PLXNA4: variants seen among roughly 807,000 people sequenced by gnomAD.
The protein encoded by PLXNA4 is plexin A4, also known as plexin-A4.
In PLXNA4, 44 loss-of-function variants were observed where a neutral mutation model predicts 191.8. The observed-to-expected ratio is 0.23, with a 90% CI of 0.18 to 0.29. PLXNA4 has a LOEUF of 0.29. Among genes scored for constraint, PLXNA4 ranks in the 10% least tolerant of loss-of-function variants. The pLI, the probability that PLXNA4 is intolerant of heterozygous loss-of-function variation, is 1.00. For missense variants in PLXNA4, 1,800 were observed against 2,488.8 expected, an observed-to-expected ratio of 0.72 and a Z score of 5.89; for synonymous variants, 1,082 against 1,009.5, an observed-to-expected ratio of 1.07 and a Z score of -1.36.
chr7:132,502,376 C>G (rs1056143971), intron 2 of PLXNA4, among the ~76,000 whole-genome samples: 11 of 152,198 alleles, frequency 7.2e-5, no homozygotes, highest in African/African-American at 2.7e-4. Context: ...AGAAACAGCT[C>G]CATCTCCTGT....
chr7:132,174,842 C>G lies in PLXNA4; in HGVS notation c.3953G>C (p.Arg1318Thr). 6.2e-7 allele frequency: 1 copy of G among 1,614,202 alleles called. No homozygotes were observed. Among genetic ancestry groups the G allele is most frequent in the Non-Finnish European group, 8.5e-7 (1 of 1,180,040 alleles). ...DGAGIPFLDY[R>T]TYTMRVLFPG... Reference sequence around the variant, plus strand: ...GAACAGCACCCGCATGGTGTAAGTTCTATAGTCCAGGAACGGAATCCCGGC... The same window carrying G: ...GAACAGCACCCGCATGGTGTAAGTTGTATAGTCCAGGAACGGAATCCCGGC... Residue 1318 changes from arginine (R) to threonine (T), a missense_variant, in exon 21 of 32, where the codon AGA becomes ACA. This residue lies in a region of PLXNA4 where 1,397 missense variants were observed against 1,880.4 expected (regional missense o/e 0.74). Coordinates refer to ENST00000321063, the MANE Select transcript of PLXNA4 (RefSeq NM_020911.2).
At chr7:132,492,008 G>A (rs1797828776) in intron 2 of PLXNA4, among the ~76,000 whole-genome samples, 1 of 152,162 alleles carries the variant, frequency 6.6e-6, no homozygotes, top group South Asian at 2.1e-4. Context: ...GCCCTTGAAT[G>A]TTCCTGCTTC....
At chr7:132,166,893 C>A (rs1796139859) in intron 22 of PLXNA4, among the ~76,000 whole-genome samples, 1 of 152,156 alleles carries the variant, frequency 6.6e-6, no homozygotes, top group Non-Finnish European at 1.5e-5. Flanking sequence ...TTATATGCAG[C>A]AGACTTTTGC....
chr7:132,176,894 G>A (rs1796486283), intron 20 of PLXNA4, among the ~76,000 whole-genome samples: 1 of 152,064 alleles, frequency 6.6e-6, no homozygotes, highest in Admixed American at 6.5e-5. Context: ...GTCTATGTGT[G>A]CACGCATGTG....
chr7:132,633,281 C>CAT (rs1372985836), intron 2 of PLXNA4, among the ~76,000 whole-genome samples: 3 of 133,286 alleles, frequency 2.3e-5, no homozygotes, highest in Admixed American at 2.2e-4. Context: ...TTGAGGTTCT[C>CAT]ATTTTTTTTT....
rs150060759 is a variant in PLXNA4, at chr7:132,407,639, C to T, written c.1371+81653G>A. The stretch of plus-strand genomic sequence containing the variant: ...TATTCCTGGGACTACGTCAATACAT[C>T]TCTCCTGGTGTGGAGGGTGGGCATC... On this transcript the variant is annotated intron_variant, in intron 3 of 31. Transcript: ENST00000321063. Among the ~76,000 whole-genome samples, 103 of 152,344 alleles carry T rather than the reference C, an allele frequency of 6.8e-4. No homozygotes were observed. In the East Asian group the frequency reaches 0.016, roughly 23 times the overall value.
chr7:132,247,495 G>A (rs1414477245), intron 4 of PLXNA4, among the ~76,000 whole-genome samples: 1 of 152,208 alleles, frequency 6.6e-6, no homozygotes, highest in African/African-American at 2.4e-5. Flanking sequence ...TGCACTTGGT[G>A]CTGTACCTCA....
chr7:132,330,137 G>C lies in PLXNA4; in HGVS notation c.1372-31915C>G, dbSNP rs552855738. Among the ~76,000 whole-genome samples, 3 of 152,284 alleles carry C rather than the reference G, an allele frequency of 2.0e-5. No homozygotes were observed. In the South Asian group the frequency reaches 6.2e-4, roughly 32 times the overall value. ...GCATTGTGAAGACGGAAGAGAGAGG[G>C]AACAGACTAGTATAAGGCACAGCCA... On this transcript the variant is annotated intron_variant, in intron 3 of 31. Coordinates refer to ENST00000321063, the MANE Select transcript of PLXNA4 (RefSeq NM_020911.2).
At chr7:132,603,393 GC>G (rs1323408838) in intron 2 of PLXNA4, among the ~76,000 whole-genome samples, 3 of 152,112 alleles carry the variant, frequency 2.0e-5, no homozygotes. Context: ...AATCACTTCT[GC>G]CCAGCTACTC....
intron 3 of PLXNA4, among the ~76,000 whole-genome samples, chr7:132,304,003 A>G (rs1801415271): frequency 6.6e-6 from 1 of 152,208 alleles, no homozygotes; most frequent in Admixed American, 6.5e-5. Context: ...GCCAGTGATG[A>G]GAGCTTGACT....
intron 4 of PLXNA4, among the ~76,000 whole-genome samples, chr7:132,275,008 C>T (rs990756146): frequency 2.0e-5 from 3 of 152,066 alleles, no homozygotes. Flanking sequence ...GGTTTCTACA[C>T]TATAAAGTTA....
intron 1 of PLXNA4, among the ~76,000 whole-genome samples, chr7:132,573,871 G>T (rs1408926258): frequency 6.6e-6 from 1 of 152,176 alleles, no homozygotes; most frequent in Non-Finnish European, 1.5e-5. Context: ...CTGAAAAGAA[G>T]CATTCATGGC....
chr7:132,361,188 G>C (rs937530099), intron 3 of PLXNA4, among the ~76,000 whole-genome samples: 2 of 152,136 alleles, frequency 1.3e-5, no homozygotes, highest in African/African-American at 4.8e-5. Flanking sequence ...GTAGGAGAGA[G>C]AGAAGTGTCG....
intron 1 of PLXNA4, among the ~76,000 whole-genome samples, chr7:132,544,760 T>C (rs370175496): frequency 2.0e-4 from 31 of 152,190 alleles, no homozygotes; most frequent in African/African-American, 7.5e-4. Flanking sequence ...TATTTTTTCC[T>C]CCCTTCCATG....
At chr7:132,344,864 C>T (rs1803181697) in intron 3 of PLXNA4, among the ~76,000 whole-genome samples, 1 of 152,130 alleles carries the variant, frequency 6.6e-6, no homozygotes, top group East Asian at 1.9e-4. Flanking sequence ...TGTGTCTAAA[C>T]CCAAAGCAAC....
chr7:132,254,946 G>A (rs1799382996), intron 4 of PLXNA4, among the ~76,000 whole-genome samples: 1 of 152,156 alleles, frequency 6.6e-6, no homozygotes, highest in African/African-American at 2.4e-5. Context: ...GGGTGGAGAT[G>A]GGGTAGGAGG....
At chr7:132,591,716 C>T (rs1199982017) in intron 2 of PLXNA4, among the ~76,000 whole-genome samples, 2 of 152,166 alleles carry the variant, frequency 1.3e-5, no homozygotes, top group Non-Finnish European at 2.9e-5. Flanking sequence ...GCGTTTGGGT[C>T]CTCAGCAAAG....
In PLXNA4 at chr7:132,197,289, C is replaced by T. The variant is rs543326045; in HGVS notation, c.2738+1196G>A. Among the ~76,000 whole-genome samples the T allele has an allele frequency of 3.3e-5, 5 of 152,266 alleles. No homozygotes were observed. In the East Asian group the frequency reaches 7.7e-4, roughly 23 times the overall value. On this transcript the variant is annotated intron_variant, in intron 13 of 31. Coordinates refer to ENST00000321063, the MANE Select transcript of PLXNA4 (RefSeq NM_020911.2). ...CTTTTTCCAGGGAGTTAACCAGCAT[C>T]AATTATTGAATGGTATTTCCTTGGG... is the stretch of plus-strand genomic sequence containing the variant.
chr7:132,337,501 T>C (rs1380789080), intron 3 of PLXNA4, among the ~76,000 whole-genome samples: 2 of 152,236 alleles, frequency 1.3e-5, no homozygotes, highest in East Asian at 1.9e-4. Flanking sequence ...TTGTGCTTTA[T>C]TGTCTTTCGT....
Sources: gnomAD v4.1 joint callset for allele counts (sites outside exome capture counted in the v4.1 genomes callset) on GRCh38, gnomAD v4.1.1 for gene constraint, gnomAD v4.1.1 regional missense constraint, MANE v1.5 for transcripts, NCBI Gene and HGNC (gene_info 2026-07-23, HGNC 2026-07-21) for gene names.